Variants in RPH3AL observed in about 807,000 individuals in gnomAD.
RPH3AL encodes the protein rab effector Noc2.
Under a neutral mutation model 43.1 loss-of-function variants are expected in RPH3AL, and 38 were observed. The observed-to-expected ratio is 0.88, with a 90% CI of 0.68 to 1.15. The LOEUF (loss-of-function observed/expected upper bound fraction) is 1.15, where lower values mean the gene tolerates loss of function less well. RPH3AL is among the 50% of genes most tolerant of loss of function. The pLI is 0.00. For synonymous variants in RPH3AL, 189 were observed against 176.3 expected (o/e 1.07, Z -0.57); for missense variants, 462 against 423.2 (o/e 1.09, Z -0.81).
intron 2 of RPH3AL, chr17:332,879 G>A (rs2044824069): frequency 1.7e-6 from 1 of 599,856 alleles, no homozygotes; most frequent in Non-Finnish European, 2.5e-6. Flanking sequence ...CCAGCAGGCA[G>A]ATGTTCCGGA....
chr17:273,119 G>A lies in RPH3AL; in HGVS notation c.438+8649C>T, dbSNP rs112990930. The stretch of plus-strand genomic sequence containing the variant: ...GGTGACGTCAGGGAGAGACCCCAGC[G>A]AGGGTGACGTCAGGGAGAGACCCCA... On this transcript the variant is annotated intron_variant, in intron 6 of 9. Transcript: ENST00000331302. 3.7e-3 allele frequency among the ~76,000 whole-genome samples: 255 copies of A among 68,720 alleles called. 1 individual carries two copies. The highest frequency in any genetic ancestry group is 9.8e-3 in the African/African-American group (161 of 16,434). The allele number at this position is 68,720 out of a possible 152,430, so 45.1% of individuals were successfully genotyped here. A position where few individuals can be genotyped will look rare whatever the true frequency, so the allele number is the denominator to read the frequency against.
At chr17:270,021 G>A (rs1030467564) in intron 6 of RPH3AL, among the ~76,000 whole-genome samples, 12 of 152,162 alleles carry the variant, frequency 7.9e-5, no homozygotes, top group African/African-American at 2.7e-4. Context: ...GGGAGGCCAG[G>A]AGGCTGCACT....
chr17:326,708 C>G (rs1450181888), intron 3 of RPH3AL, among the ~76,000 whole-genome samples: 1 of 152,228 alleles, frequency 6.6e-6, no homozygotes, highest in Non-Finnish European at 1.5e-5. Context: ...TGGTAAAACC[C>G]CCGTCTCTAC....
chr17:266,499 G>C (rs184701620), intron 6 of RPH3AL, among the ~76,000 whole-genome samples: 1 of 152,166 alleles, frequency 6.6e-6, no homozygotes, highest in Non-Finnish European at 1.5e-5. Context: ...CAGAAGATGC[G>C]CTGGAAATCA....
chr17:225,280 G>A lies in RPH3AL; in HGVS notation c.614-5544C>T, dbSNP rs1432830614. On this transcript the variant is annotated intron_variant, in intron 7 of 9. Coordinates refer to ENST00000331302, the MANE Select transcript of RPH3AL (RefSeq NM_006987.4). This position sits in a 1 kb window ranked among gnomAD's most constrained non-coding sequence, Gnocchi z 4.4. ...GCAAGAGGAGATGGGGATGGGGCAT[G>A]GCTGTGGTCCGTGTGCCCTCTTCGT... Among the ~76,000 whole-genome samples the A allele has an allele frequency of 6.6e-6, 1 of 152,162 alleles. No homozygotes were observed. The highest frequency in any genetic ancestry group is 1.5e-5 in the Non-Finnish European group (1 of 68,026).
At position 331,908 on chromosome 17, in the gene RPH3AL, A is replaced by G. The variant is rs1255160554; in HGVS notation, c.-37+1851T>C. 4 of 1,269,556 alleles carry G rather than the reference A, an allele frequency of 3.2e-6. 1 individual carries two copies. Among genetic ancestry groups the G allele is most frequent in the South Asian group, 2.5e-5 (2 of 80,570 alleles). The allele number at this position is 1,269,556 out of a possible 1,614,324, so 78.6% of individuals were successfully genotyped here. Reference sequence around the variant, plus strand: ...TGGACAAAAATTAAACTGATGAGGGAACAAAATAGGGCCTTATAGAAGGTG... The same window carrying G: ...TGGACAAAAATTAAACTGATGAGGGGACAAAATAGGGCCTTATAGAAGGTG... On this transcript the variant is annotated intron_variant, in intron 2 of 9. Transcript: ENST00000331302.
chr17:281,681 CA>C, intron 6 of RPH3AL, 86 bp downstream of exon 6: 1 of 676,926 alleles, frequency 1.5e-6, no homozygotes, highest in East Asian at 2.7e-5. Flanking sequence ...CAGCCCTCCC[CA>C]CCGTCACCCT....
Position 323,354 on chromosome 17 carries a change from C to A in RPH3AL, c.78-1939G>T, listed in dbSNP as rs746401604. Among the ~76,000 whole-genome samples the A allele has an allele frequency of 1.3e-5, 2 of 152,148 alleles. No individual in the cohort carries two copies. Among genetic ancestry groups the A allele is most frequent in the Non-Finnish European group, 2.9e-5 (2 of 68,030 alleles). On this transcript the variant is annotated intron_variant, in intron 3 of 9. Transcript: ENST00000331302. This position sits in a 1 kb window ranked among gnomAD's most constrained non-coding sequence, Gnocchi z 4.4. ...AAAATACCGGGGCAGCAGGGCAGGG[C>A]TGGAAGGGGGGCAAGGCCAGTAGAG...
chr17:293,718 G>C (rs1221640876), intron 5 of RPH3AL, among the ~76,000 whole-genome samples: 1 of 152,176 alleles, frequency 6.6e-6, no homozygotes, highest in African/African-American at 2.4e-5. Context: ...CAGAAGGTGG[G>C]AGGAGGGTTT....
intron 8 of RPH3AL, among the ~76,000 whole-genome samples, chr17:218,523 C>G (rs1322478884): frequency 6.6e-6 from 1 of 152,264 alleles, no homozygotes; most frequent in Non-Finnish European, 1.5e-5. Flanking sequence ...TATTATGGAG[C>G]CCTTTCTTCT....
chr17:213,723 C>T lies in RPH3AL; in HGVS notation c.*129G>A. ...CACTGAGCTGGGGAGGCAGACGGCTCCCAACACTGGTTTGTTGAGTCATGG... is the reference window on the plus strand; with the variant it reads ...CACTGAGCTGGGGAGGCAGACGGCTTCCAACACTGGTTTGTTGAGTCATGG... On this transcript the variant is annotated 3_prime_UTR_variant, in exon 10 of 10. Coordinates refer to ENST00000331302, the MANE Select transcript of RPH3AL (RefSeq NM_006987.4). 1 of 765,158 alleles carries T rather than the reference C, an allele frequency of 1.3e-6. No individual in the cohort carries two copies. The highest frequency in any genetic ancestry group is 1.5e-5 in the South Asian group (1 of 67,418). The allele number at this position is 765,158 out of a possible 1,614,324, so 47.4% of individuals were successfully genotyped here.
intron 6 of RPH3AL, among the ~76,000 whole-genome samples, chr17:270,107 T>C (rs990933400): frequency 6.6e-6 from 1 of 151,658 alleles, no homozygotes; most frequent in South Asian, 2.1e-4. Context: ...ACCATCCGGG[T>C]CCCCCAGGGA....
At chr17:324,132 T>G (rs1235080018) in intron 3 of RPH3AL, among the ~76,000 whole-genome samples, 1 of 152,140 alleles carries the variant, frequency 6.6e-6, no homozygotes, top group Non-Finnish European at 1.5e-5. Flanking sequence ...GGAACGTAGC[T>G]AGCTAGCAGG....
rs185423015 is a variant in RPH3AL, at chr17:337,543, T to G, written c.-212-3609A>C. 1.5e-3 allele frequency among the ~76,000 whole-genome samples: 223 copies of G among 152,378 alleles called. 1 individual carries two copies. The highest frequency in any genetic ancestry group is 3.3e-3 in the South Asian group (16 of 4,830). ...CTGCTAAGACTCCTGCAGCCTTTCT[T>G]GCCTGTGTGCTTTGAGGAGCAGCAA... On this transcript the variant is annotated intron_variant, in intron 1 of 9. Transcript: ENST00000331302.
chr17:347,570 C>G (rs1300290931), intron 1 of RPH3AL, among the ~76,000 whole-genome samples: 5 of 147,860 alleles, frequency 3.4e-5, no homozygotes, highest in African/African-American at 1.2e-4. Flanking sequence ...GGTGACAGAG[C>G]AAGACTCTGT....
rs1567604413 is a variant in RPH3AL at position 272,979 on chromosome 17, A to AGGGCGACATCAGGAAGAGACCCCAGCG, written c.438+8788_438+8789insCGCTGGGGTCTCTTCCTGATGTCGCCC. 1.4e-3 allele frequency among the ~76,000 whole-genome samples: 61 copies of AGGGCGACATCAGGAAGAGACCCCAGCG among 42,652 alleles called. 2 individuals are homozygous for AGGGCGACATCAGGAAGAGACCCCAGCG. Among genetic ancestry groups the AGGGCGACATCAGGAAGAGACCCCAGCG allele is most frequent in the East Asian group, 7.3e-3 (9 of 1,226 alleles). 28.0% of individuals were successfully genotyped at this position (42,652 alleles called of 152,430 possible). A position where few individuals can be genotyped will look rare whatever the true frequency, so the allele number is the denominator to read the frequency against. ...GGCTACGTCAGGGTGAGACCCCAGC[A>AGGGCGACATCAGGAAGAGACCCCAGCG]AGGGCTACGTCAGGGTGAGACCCCA... On this transcript the variant is annotated intron_variant, in intron 6 of 9. Coordinates refer to ENST00000331302, the MANE Select transcript of RPH3AL (RefSeq NM_006987.4).
intron 7 of RPH3AL, among the ~76,000 whole-genome samples, chr17:241,151 G>C (rs1047810730): frequency 6.6e-6 from 1 of 152,008 alleles, no homozygotes; most frequent in African/African-American, 2.4e-5. Flanking sequence ...CACTTTGGAA[G>C]GCCAAGGTGG....
At chr17:282,934 T>C (rs761086819) in intron 5 of RPH3AL, among the ~76,000 whole-genome samples, 11 of 152,240 alleles carry the variant, frequency 7.2e-5, no homozygotes, top group Non-Finnish European at 1.3e-4. Flanking sequence ...AACGTCATTA[T>C]GTGATGCAGG....
chr17:278,026 T>C (rs2042694905), intron 6 of RPH3AL, among the ~76,000 whole-genome samples: 1 of 152,082 alleles, frequency 6.6e-6, no homozygotes, highest in Non-Finnish European at 1.5e-5. Flanking sequence ...ACCAACATGG[T>C]CTGACCCACT....
Sources: allele counts gnomAD v4.1 joint callset (sites outside exome capture counted in the v4.1 genomes callset), GRCh38; gene constraint gnomAD v4.1.1; non-coding constraint Gnocchi (gnomAD v3.1); transcripts MANE v1.5; gene names NCBI Gene and HGNC (gene_info 2026-07-23, HGNC 2026-07-21).